TCN1: variants seen among roughly 807,000 people sequenced by gnomAD.
TCN1 encodes transcobalamin 1.
In TCN1, 47 loss-of-function variants were observed where a neutral mutation model predicts 46.3. The observed-to-expected ratio is 1.01, with a 90% CI of 0.80 to 1.29. The LOEUF (loss-of-function observed/expected upper bound fraction) is 1.29. Ranked by LOEUF, TCN1 falls within the 50% of genes most tolerant of loss-of-function variation. The pLI is 0.00. For synonymous variants in TCN1, 183 were observed against 192.5 expected, an observed-to-expected ratio of 0.95 and a Z score of 0.41; for missense variants, 532 against 511.0, an observed-to-expected ratio of 1.04 and a Z score of -0.40.
rs1852925993 is a variant in TCN1 at position 59,855,904 on chromosome 11, T to C, written c.902A>G (p.Asp301Gly). 6.2e-7 allele frequency: 1 copy of C among 1,613,888 alleles called. No individual in the cohort carries two copies. Among genetic ancestry groups the C allele is most frequent in the Non-Finnish European group, 8.5e-7 (1 of 1,179,804 alleles). ...LPALMGKTFLDINKDSSCVSA... is the reference protein window; with the variant it reads ...LPALMGKTFLGINKDSSCVSA... ...GACGCAAGAAGAGTCTTTGTTAATATCCAAGAAGGTCTTTCCCATCAGGGC... is the reference window on the plus strand; with the variant it reads ...GACGCAAGAAGAGTCTTTGTTAATACCCAAGAAGGTCTTTCCCATCAGGGC... Residue 301 changes from aspartate to glycine, a missense_variant, in exon 6 of 9, where the codon GAT becomes GGT. Coordinates refer to ENST00000257264, the MANE Select transcript of TCN1 (RefSeq NM_001062.4).
Position 59,864,016 on chromosome 11 carries a change from C to T in TCN1, c.150G>A (p.Arg50=). Residue 50 remains arginine (R), a synonymous_variant, in exon 2 of 9, where the codon AGG becomes AGA. Coordinates refer to ENST00000257264, the MANE Select transcript of TCN1 (RefSeq NM_001062.4). ...ACACAACATTGACAGCGCTGGTTCC[C>T]CTGTTATAGTTTGACTGGATCATTG... ...LNTMIQSNYN[R]GTSAVNVVLS... The T allele has an allele frequency of 6.2e-7, 1 of 1,613,884 alleles. No individual in the cohort carries two copies.
chr11:59,859,025 T>C (rs1272256092), intron 5 of TCN1, 52 bp downstream of exon 5: 1 of 1,591,092 alleles, frequency 6.3e-7, no homozygotes. Context: ...AAATACTGCT[T>C]TCTTCCAGAG....
At chr11:59,853,072 A>G in intron 8 of TCN1, 36 bp from the exon 9 acceptor site, 1 of 1,611,848 alleles carries the variant, frequency 6.2e-7, no homozygotes, top group Non-Finnish European at 8.5e-7. Context: ...GGGTCAAATG[A>G]TTTGGCCACT....
intron 5 of TCN1, among the ~76,000 whole-genome samples, chr11:59,857,564 G>T (rs1330250286): frequency 6.6e-6 from 1 of 152,118 alleles, no homozygotes. Context: ...TGTGCTTTTG[G>T]GTCTTTGTCC....
intron 6 of TCN1, among the ~76,000 whole-genome samples, chr11:59,855,516 C>G (rs116901734): frequency 6.6e-6 from 1 of 152,200 alleles, no homozygotes; most frequent in African/African-American, 2.4e-5. Context: ...GGATCACTCA[C>G]TGTGCAAAGT....
intron 8 of TCN1, 64 bp from the exon 9 acceptor site, chr11:59,853,100 A>G: frequency 6.2e-7 from 1 of 1,600,422 alleles, no homozygotes; most frequent in Non-Finnish European, 8.6e-7. Flanking sequence ...CAAATAATGG[A>G]TGTCATCTCT....
chr11:59,866,270 G>T, intron 1 of TCN1, 122 bp downstream of exon 1: 1 of 946,072 alleles, frequency 1.1e-6, no homozygotes. Context: ...ATCATTCATG[G>T]AGTCCAACCA....
At chr11:59,856,140 G>T (rs942933393) in intron 5 of TCN1, 82 bp from the exon 6 acceptor site, 1 of 1,158,654 alleles carries the variant, frequency 8.6e-7, no homozygotes, top group Non-Finnish European at 1.3e-6. Flanking sequence ...AAATAAGGGG[G>T]AAGCCTTATC....
At chr11:59,861,161 C>T (rs1047405062) in intron 4 of TCN1, among the ~76,000 whole-genome samples, 9 of 152,150 alleles carry the variant, frequency 5.9e-5, no homozygotes, top group African/African-American at 1.2e-4. Context: ...TTAAGATAAA[C>T]GAATTCCATT....
intron 4 of TCN1, 75 bp from the exon 5 acceptor site, chr11:59,859,342 T>A: frequency 6.6e-7 from 1 of 1,519,726 alleles, no homozygotes; most frequent in South Asian, 1.1e-5. Flanking sequence ...TTTCCTGGGA[T>A]GTGAGACTTT....
rs776795423 is a variant in TCN1, at chr11:59,854,784, G to C, written c.989C>G (p.Ser330Ter). 1 of 1,614,030 alleles carries C rather than the reference G, an allele frequency of 6.2e-7. No homozygotes were observed. Among genetic ancestry groups the C allele is most frequent in the South Asian group, 1.1e-5 (1 of 91,076 alleles). ...DEPITVTPPD[S>*]QSYISVNYSV... is the part of the protein sequence containing the mutation. ...GTAATTGACGGAGATATATGATTGT[G>C]AGTCAGGAGGTGTCACAGTTATAGG... is the stretch of plus-strand genomic sequence containing the variant. Residue 330 changes from serine to a stop codon, truncating the protein, a stop_gained, in exon 7 of 9, where the codon TCA (serine) becomes TGA (stop). Transcript: ENST00000257264. LOFTEE classifies it high-confidence loss of function.
chr11:59,862,307 TTGTGTGTGTGCATG>T (rs1463601536), intron 3 of TCN1, among the ~76,000 whole-genome samples: 2 of 151,882 alleles, frequency 1.3e-5, no homozygotes, highest in African/African-American at 2.4e-5. Flanking sequence ...GAATGGTGAC[TTGTGTGTGTGCATG>T]TGTGTGTGTG....
intron 5 of TCN1, 48 bp from the exon 6 acceptor site, chr11:59,856,106 C>T (rs1565213749): frequency 6.8e-7 from 1 of 1,469,642 alleles, no homozygotes; most frequent in African/African-American, 1.4e-5. Context: ...TAAAGAGAGA[C>T]AGAGAGAGAA....
Position 59,852,908 on chromosome 11 carries a change from A to C in TCN1, c.*67T>G, listed in dbSNP as rs960205512. The C allele has an allele frequency of 2.1e-6, 3 of 1,403,962 alleles. No homozygotes were observed. Among genetic ancestry groups the C allele is most frequent in the African/African-American group, 2.8e-5 (2 of 70,726 alleles). 87.0% of individuals were successfully genotyped at this position (1,403,962 alleles called of 1,614,324 possible). ...TACTGGGATAAATGAAGAAGAAGGC[A>C]TAAGGACAATAAACATGGAACTCCA... On this transcript the variant is annotated 3_prime_UTR_variant, in exon 9 of 9. Coordinates refer to ENST00000257264, the MANE Select transcript of TCN1 (RefSeq NM_001062.4).
intron 3 of TCN1, among the ~76,000 whole-genome samples, chr11:59,862,164 T>G (rs1451791592): frequency 3.3e-5 from 5 of 152,204 alleles, no homozygotes; most frequent in Non-Finnish European, 5.9e-5. Flanking sequence ...CCAGTGATAA[T>G]GTACTCTGGC....
chr11:59,857,963 C>T (rs1852964714), intron 5 of TCN1, among the ~76,000 whole-genome samples: 1 of 152,178 alleles, frequency 6.6e-6, no homozygotes. Context: ...CCAAGACCTA[C>T]AGTGGATGCC....
At chr11:59,857,185 C>T (rs1384112645) in intron 5 of TCN1, among the ~76,000 whole-genome samples, 4 of 152,038 alleles carry the variant, frequency 2.6e-5, no homozygotes, top group Non-Finnish European at 5.9e-5. Flanking sequence ...TTTAAAAATA[C>T]CCAACAATGT....
At chr11:59,858,969 A>T (rs921620808) in intron 5 of TCN1, 108 bp downstream of exon 5, 6 of 1,314,322 alleles carry the variant, frequency 4.6e-6, no homozygotes, top group Non-Finnish European at 6.5e-6. Flanking sequence ...CACCATTGCA[A>T]CTCCAGCCTG....
Position 59,856,072 on chromosome 11 carries a change from G to A in TCN1, c.748-14C>T, listed in dbSNP as rs1565213714. 6.8e-7 allele frequency: 1 copy of A among 1,472,084 alleles called. No homozygotes were observed. The highest frequency in any genetic ancestry group is 9.5e-7 in the Non-Finnish European group (1 of 1,057,250). 91.2% of individuals were successfully genotyped at this position (1,472,084 alleles called of 1,614,324 possible). On this transcript the variant is annotated splice_polypyrimidine_tract_variant and intron_variant, in intron 5 of 8. Coordinates refer to ENST00000257264, the MANE Select transcript of TCN1 (RefSeq NM_001062.4). Reference sequence around the variant, plus strand: ...TACAAAGAGGGCCTAATGAGGCAGGGTGGGGTGGGGGGGTGATGAGAGATA... The same window carrying A: ...TACAAAGAGGGCCTAATGAGGCAGGATGGGGTGGGGGGGTGATGAGAGATA...
Sources: allele counts gnomAD v4.1 joint callset (sites outside exome capture counted in the v4.1 genomes callset), GRCh38; gene constraint gnomAD v4.1.1; transcripts MANE v1.5; gene names NCBI Gene and HGNC (gene_info 2026-07-23, HGNC 2026-07-21).